The following TMEM223 variants were observed in gnomAD, a reference collection of about 807,000 sequenced individuals.
TMEM223 encodes the protein transmembrane protein 223.
Under a neutral mutation model 14.1 loss-of-function variants are expected in TMEM223, and 14 were observed. The observed-to-expected ratio is 0.99, with a 90% CI of 0.66 to 1.55. The LOEUF (loss-of-function observed/expected upper bound fraction) is 1.55, where lower values mean the gene tolerates loss of function less well. Ranked by LOEUF, TMEM223 falls within the 40% of genes most tolerant of loss-of-function variation. The probability of loss-of-function intolerance (pLI) is 0.00; values close to 1 mark genes in which losing one functional copy is unlikely to be tolerated. For missense variants in TMEM223, 346 were observed against 269.9 expected (o/e 1.28, Z -1.97); for synonymous variants, 145 against 120.5 (o/e 1.20, Z -1.33).
chr11:62,787,401 T>G (rs371641883), downstream of TMEM223: 2 of 1,557,056 alleles, frequency 1.3e-6, no homozygotes, highest in South Asian at 1.2e-5. Flanking sequence ...GGGGTGCTGC[T>G]GCAGCGGCGC....
At chr11:62,784,395 C>T (rs142081628), downstream of TMEM223, among the ~76,000 whole-genome samples, 3,658 of 151,380 alleles carry the variant, frequency 0.024, 136 homozygotes, top group African/African-American at 0.085. Flanking sequence ...ACCTCCGCCT[C>T]CCGGGTTCAC....
At position 62,791,546 on chromosome 11, in the gene TMEM223, GTTTCACA is replaced by G. The variant is rs1184144394; in HGVS notation, c.316+126_316+132del. On this transcript the variant is annotated intron_variant, in intron 1 of 1. Transcript: ENST00000307366. The stretch of plus-strand genomic sequence containing the variant: ...ATTTGAGCCGCCGCGCCCGGCCAGT[GTTTCACA>G]TTTCTGTGGGGTAAAGCCCGCCCGC... 2.5e-6 allele frequency: 3 copies of G among 1,191,548 alleles called. No homozygotes were observed. In the East Asian group the frequency reaches 7.8e-5, roughly 31 times the overall value. 73.8% of individuals were successfully genotyped at this position (1,191,548 alleles called of 1,614,324 possible).
At chr11:62,784,599 C>A (rs2084256910), downstream of TMEM223, among the ~76,000 whole-genome samples, 1 of 152,164 alleles carries the variant, frequency 6.6e-6, no homozygotes, top group African/African-American at 2.4e-5. Context: ...AGCCACCGTG[C>A]CTGGCCTATA....
downstream of TMEM223, chr11:62,787,813 C>T (rs1673982704): frequency 1.3e-5 from 9 of 673,012 alleles, no homozygotes; most frequent in Non-Finnish European, 2.5e-5. Context: ...CACAGCCTTA[C>T]TGTGGTTCCG....
chr11:62,787,233 C>T (rs1590940732), downstream of TMEM223: 4 of 1,571,338 alleles, frequency 2.5e-6, no homozygotes, highest in Non-Finnish European at 2.6e-6. Context: ...CCATGATCGG[C>T]CGTACCAGCC....
chr11:62,773,765 G>C (rs1468009977), intron 2 of TMEM223, among the ~76,000 whole-genome samples: 3 of 152,120 alleles, frequency 2.0e-5, no homozygotes, highest in African/African-American at 7.2e-5. Context: ...CTTACGACTG[G>C]TTTGGAGGCA....
chr11:62,790,651 T>C lies in TMEM223; in HGVS notation c.581A>G (p.Asn194Ser). ...GHFPNTKLFD[N>S]TVGAYRSL The stretch of plus-strand genomic sequence containing the variant: ...CAAGCTCCGGTAGGCACCCACAGTA[T>C]TGTCAAAGAGTTTTGTGTTAGGGAA... Residue 194 changes from asparagine to serine, a missense_variant, in exon 2 of 2, where the codon AAT becomes AGT. Transcript: ENST00000307366. 1.9e-6 allele frequency: 3 copies of C among 1,611,516 alleles called. No individual in the cohort carries two copies. The highest frequency in any genetic ancestry group is 2.2e-5 in the East Asian group (1 of 44,834).
At chr11:62,780,936 C>CAA (rs1302371766) in intron 1 of TMEM223, among the ~76,000 whole-genome samples, 12 of 52,306 alleles carry the variant, frequency 2.3e-4, no homozygotes, top group African/African-American at 7.8e-4. Flanking sequence ...GACTCCATCT[C>CAA]AAAAAAAAAA....
chr11:62,782,070 C>A, intron 1 of TMEM223: 1 of 1,589,912 alleles, frequency 6.3e-7, no homozygotes, highest in South Asian at 1.2e-5. Flanking sequence ...GGGCTCCTGC[C>A]TGTCCCCTCA....
rs1554996873 is a variant in TMEM223 at position 62,779,952 on chromosome 11, C to CTACATATATATA, written c.315-5288_315-5287insTATATATATGTA. Among the ~76,000 whole-genome samples the CTACATATATATA allele has an allele frequency of 2.8e-4, 28 of 100,028 alleles. 1 individual carries two copies. The highest frequency in any genetic ancestry group is 6.6e-4 in the South Asian group (2 of 3,038). The allele number at this position is 100,028 out of a possible 152,430, so 65.6% of individuals were successfully genotyped here. A position where few individuals can be genotyped will look rare whatever the true frequency, so the allele number is the denominator to read the frequency against. On this transcript the variant is annotated intron_variant, in intron 1 of 2. Coordinates refer to the TMEM223 transcript ENST00000528367. ...AAGTGGTGGGATTACAGGCGTGAGCCTATATATATATATATATATATATAT... is the reference window on the plus strand; with the variant it reads ...AAGTGGTGGGATTACAGGCGTGAGCCTACATATATATATATATATATATATATATATATATAT...
intron 2 of TMEM223, among the ~76,000 whole-genome samples, chr11:62,774,371 C>T (rs1335177061): frequency 1.3e-5 from 2 of 152,166 alleles, no homozygotes; most frequent in Non-Finnish European, 2.9e-5. Flanking sequence ...CCACCGCGCC[C>T]GGCCCAAATT....
In TMEM223 at chr11:62,790,402, C is replaced by T; in HGVS notation, c.*221G>A. 1 of 570,326 alleles carries T rather than the reference C, an allele frequency of 1.8e-6. No individual in the cohort carries two copies. 35.3% of individuals were successfully genotyped at this position (570,326 alleles called of 1,614,324 possible). On this transcript the variant is annotated 3_prime_UTR_variant, in exon 2 of 2. Coordinates refer to ENST00000307366, the MANE Select transcript of TMEM223 (RefSeq NM_001080501.3). ...ATGAATCTTGACCTCCTTGTGTGAC[C>T]CTGGTTGTTACTCCATTCTAAGATT...
intron 1 of TMEM223, among the ~76,000 whole-genome samples, chr11:62,775,442 G>A (rs985521373): frequency 6.6e-6 from 1 of 152,216 alleles, no homozygotes; most frequent in Non-Finnish European, 1.5e-5. Flanking sequence ...GAGAGGGCAG[G>A]AATTATTGTG....
At chr11:62,776,519 C>A (rs756141207) in intron 1 of TMEM223, 83 of 1,571,866 alleles carry the variant, frequency 5.3e-5, no homozygotes, top group Admixed American at 8.4e-5. Flanking sequence ...GAGGCCACTT[C>A]CATGTCCAGT....
intron 1 of TMEM223, chr11:62,781,912 C>G (rs2134715839): frequency 6.2e-7 from 1 of 1,614,146 alleles, no homozygotes; most frequent in East Asian, 2.2e-5. Flanking sequence ...CCAGGACTTG[C>G]AGACGAACTC....
chr11:62,772,202 A>C (rs2084153731), intron 2 of TMEM223: 2 of 454,590 alleles, frequency 4.4e-6, no homozygotes, highest in Non-Finnish European at 8.8e-6. Context: ...CATATAAAGC[A>C]CTTAGCTGTG....
rs180984085 is a variant in TMEM223 at position 62,790,556 on chromosome 11, C to T, written c.*67G>A. ...GGATTACAACAGGTGTGAACCAACA[C>T]ACCTGGCTCCCCAAGGTTCAGTTTT... On this transcript the variant is annotated 3_prime_UTR_variant, in exon 2 of 2. Transcript: ENST00000307366. 2.9e-5 allele frequency: 42 copies of T among 1,448,994 alleles called. No homozygotes were observed. Among genetic ancestry groups the T allele is most frequent in the Middle Eastern group, 3.5e-4 (2 of 5,644 alleles). 89.8% of individuals were successfully genotyped at this position (1,448,994 alleles called of 1,614,324 possible). A position where few individuals can be genotyped will look rare whatever the true frequency, so the allele number is the denominator to read the frequency against.
intron 2 of TMEM223, among the ~76,000 whole-genome samples, chr11:62,772,755 G>A (rs2084157953): frequency 6.7e-6 from 1 of 148,550 alleles, no homozygotes; most frequent in Non-Finnish European, 1.5e-5. Context: ...CCGAGATCAA[G>A]CCACTGCACT....
chr11:62,777,691 A>T (rs1392721497), intron 1 of TMEM223, among the ~76,000 whole-genome samples: 1 of 152,160 alleles, frequency 6.6e-6, no homozygotes, highest in East Asian at 1.9e-4. Context: ...GAGTTTTCAA[A>T]GTTGAGTGAG....
Sources: gnomAD v4.1 joint callset for allele counts (sites outside exome capture counted in the v4.1 genomes callset) on GRCh38, gnomAD v4.1.1 for gene constraint, MANE v1.5 for transcripts, NCBI Gene and HGNC (gene_info 2026-07-23, HGNC 2026-07-21) for gene names.